TGFBI: variants seen among roughly 807,000 people sequenced by gnomAD.
TGFBI encodes transforming growth factor-beta-induced protein ig-h3.
A neutral mutation model predicts 73.7 loss-of-function variants in TGFBI; 50 were observed. The observed-to-expected ratio is 0.68, with a 90% confidence interval of 0.54 to 0.86. TGFBI has a LOEUF of 0.86. Ranked by LOEUF, TGFBI falls within the 40% of genes least tolerant of loss-of-function variation. TGFBI has a pLI of 0.00. For missense variants in TGFBI, 839 were observed against 877.0 expected, an observed-to-expected ratio of 0.96 and a Z score of 0.55; for synonymous variants, 362 against 360.5, an observed-to-expected ratio of 1.00 and a Z score of -0.05.
intron 2 of TGFBI, among the ~76,000 whole-genome samples, chr5:136,036,222 G>A (rs576394614): frequency 8.5e-4 from 129 of 152,304 alleles, no homozygotes; most frequent in Non-Finnish European, 1.7e-3. Context: ...ATGTCTGGAT[G>A]AGGTGGGGAG....
At chr5:136,049,041 ACAGCAGACAGAC>A in intron 6 of TGFBI, 1 of 196,730 alleles carries the variant, frequency 5.1e-6, no homozygotes, top group Non-Finnish European at 1.1e-5. Flanking sequence ...GAGTGTAGGC[ACAGCAGACAGAC>A]TCACCTTTGT....
chr5:136,054,249 T>C (rs1263039271), intron 9 of TGFBI, among the ~76,000 whole-genome samples, 169 bp downstream of exon 9: 1 of 152,212 alleles, frequency 6.6e-6, no homozygotes, highest in Non-Finnish European at 1.5e-5. Flanking sequence ...GGCTCTGTTG[T>C]TTCATTAGGC....
chr5:136,050,713 A>G (rs1381800306), intron 7 of TGFBI, among the ~76,000 whole-genome samples: 2 of 152,216 alleles, frequency 1.3e-5, no homozygotes, highest in Non-Finnish European at 2.9e-5. Context: ...AATGTGCTAT[A>G]TAAAATGTCT....
chr5:136,060,395 A>T (rs10042825), intron 13 of TGFBI, among the ~76,000 whole-genome samples: 83,438 of 152,108 alleles, frequency 0.55, 23,927 homozygotes, highest in African/African-American at 0.73. Flanking sequence ...TCCCCAGTCT[A>T]ACACAGGACT....
rs759370852 is a variant in TGFBI, at chr5:136,054,856, C to T, written c.1405C>T (p.Arg469Cys). ...CAAAAAACTGAGAGTTTTTGTTTAT[C>T]GTAATGTAAGTTCTGGGTCCTAAAT... ...GGKKLRVFVY[R>C]NSLCIENSCI... Residue 469 changes from arginine to cysteine, a missense_variant, in exon 10 of 17, where the codon CGT (arginine) becomes TGT (cysteine). By Grantham distance (180) the Arg-to-Cys change is radical. Transcript: ENST00000442011. 3.7e-6 allele frequency: 6 copies of T among 1,613,542 alleles called. No individual in the cohort carries two copies. Among genetic ancestry groups the T allele is most frequent in the East Asian group, 2.2e-5 (1 of 44,876 alleles).
chr5:136,045,558 A>G (rs1444070375), intron 3 of TGFBI, among the ~76,000 whole-genome samples: 1 of 152,084 alleles, frequency 6.6e-6, no homozygotes, highest in Admixed American at 6.6e-5. Context: ...AAATAAATAA[A>G]TAAATAAATA....
intron 16 of TGFBI, 135 bp downstream of exon 16, chr5:136,062,822 A>G: frequency 2.1e-6 from 2 of 965,472 alleles, no homozygotes; most frequent in Non-Finnish European, 3.1e-6. Context: ...TTGGAGTCAG[A>G]ACAGCAGGGT....
chr5:136,052,000 G>T (rs1330397537), intron 7 of TGFBI, among the ~76,000 whole-genome samples: 1 of 152,228 alleles, frequency 6.6e-6, no homozygotes, highest in East Asian at 1.9e-4. Context: ...CCTCCGTGGT[G>T]AGAATATGGG....
Position 136,053,080 on chromosome 5 carries a change from G to T in TGFBI, c.1087G>T (p.Val363Leu), listed in dbSNP as rs772749342. The change falls in exon 8 of 17, where the codon GTG becomes TTG. Residue 363 changes from valine (V) to leucine (L), a missense_variant. Coordinates refer to ENST00000442011, the MANE Select transcript of TGFBI (RefSeq NM_000358.3). ...TAAAGACATCCTAGCCACCAACGGG[G>T]TGATCCACTACATTGATGAGCTACT... The part of the protein sequence containing the change: ...SNKDILATNG[V>L]IHYIDELLIP... 10 of 1,614,050 alleles carry T rather than the reference G, an allele frequency of 6.2e-6. No individual in the cohort carries two copies. The highest frequency in any genetic ancestry group is 1.6e-4 in the Middle Eastern group (1 of 6,062).
intron 2 of TGFBI, among the ~76,000 whole-genome samples, chr5:136,037,160 G>A (rs945632504): frequency 1.3e-5 from 2 of 152,232 alleles, no homozygotes; most frequent in Admixed American, 6.5e-5. Flanking sequence ...GGTGCAATGC[G>A]TCAAGCTGAC....
chr5:136,053,929 C>T lies in TGFBI; in HGVS notation c.1127-14C>T. ...CGCTTTTAACTTTTGAACCCACTTT[C>T]TCCTTCCTTGTAGCCAAGACACTAT... On this transcript the variant is annotated splice_polypyrimidine_tract_variant and intron_variant, in intron 8 of 16. Transcript: ENST00000442011. The T allele has an allele frequency of 6.2e-7, 1 of 1,612,020 alleles. No individual in the cohort carries two copies. The highest frequency in any genetic ancestry group is 1.1e-5 in the South Asian group (1 of 91,048).
intron 2 of TGFBI, among the ~76,000 whole-genome samples, chr5:136,043,141 C>T (rs989769543): frequency 6.6e-6 from 1 of 152,204 alleles, no homozygotes. Context: ...GAGTAGAGGT[C>T]GTGCTCACTC....
chr5:136,037,110 G>T (rs1260088909), intron 2 of TGFBI, among the ~76,000 whole-genome samples: 2 of 152,216 alleles, frequency 1.3e-5, no homozygotes, highest in Non-Finnish European at 2.9e-5. Flanking sequence ...GCACACAAAA[G>T]CTTTTCTGCA....
intron 7 of TGFBI, among the ~76,000 whole-genome samples, chr5:136,050,609 C>T (rs1751517256): frequency 6.6e-6 from 1 of 152,206 alleles, no homozygotes; most frequent in African/African-American, 2.4e-5. Context: ...GCAGGGTACG[C>T]CCCAGGTCTC....
In TGFBI at chr5:136,053,117, C is replaced by T. The variant is rs751785771; in HGVS notation, c.1124C>T (p.Ser375Leu). ...HYIDELLIPDSAKTLFELAAE... is the reference protein window; with the variant it reads ...HYIDELLIPDLAKTLFELAAE... Reference sequence around the variant, plus strand: ...ATTGATGAGCTACTCATCCCAGACTCAGGTAGGCCAGGCCTCCGGGGGCCT... The same window carrying T: ...ATTGATGAGCTACTCATCCCAGACTTAGGTAGGCCAGGCCTCCGGGGGCCT... Residue 375 changes from serine to leucine, a missense_variant and splice_region_variant, in exon 8 of 17, where the codon TCA (serine) becomes TTA (leucine). Ser to Leu is a moderately radical substitution (Grantham distance 145). Coordinates refer to ENST00000442011, the MANE Select transcript of TGFBI (RefSeq NM_000358.3). 1.5e-5 allele frequency: 24 copies of T among 1,613,618 alleles called. No individual in the cohort carries two copies. The highest frequency in any genetic ancestry group is 1.9e-5 in the Non-Finnish European group (23 of 1,179,772).
At chr5:136,055,255 T>G in intron 10 of TGFBI, 1 of 218,956 alleles carries the variant, frequency 4.6e-6, no homozygotes, top group East Asian at 1.1e-4. Context: ...CTTCTTTGTT[T>G]TCAAACCCAA....
chr5:136,043,931 A>T (rs1751381979), intron 2 of TGFBI, 127 bp from the exon 3 acceptor site: 5 of 755,994 alleles, frequency 6.6e-6, no homozygotes, highest in Non-Finnish European at 1.2e-5. Context: ...ATAACTCCTA[A>T]GAGGAGAGTG....
intron 3 of TGFBI, among the ~76,000 whole-genome samples, chr5:136,045,035 C>T (rs1209342897): frequency 6.6e-6 from 1 of 151,840 alleles, no homozygotes; most frequent in Non-Finnish European, 1.5e-5. Context: ...TATTTTTGGT[C>T]CATGTTTAGT....
chr5:136,061,279 A>G, intron 14 of TGFBI: 3 of 593,408 alleles, frequency 5.1e-6, no homozygotes, highest in Non-Finnish European at 6.0e-6. Context: ...CCTCCAGTGC[A>G]GTTGAACCTC....
Sources: allele counts gnomAD v4.1 joint callset (sites outside exome capture counted in the v4.1 genomes callset), GRCh38; gene constraint gnomAD v4.1.1; transcripts MANE v1.5; gene names NCBI Gene and HGNC (gene_info 2026-07-23, HGNC 2026-07-21).